The following ANAPC1 variants were observed in gnomAD, a reference collection of about 807,000 sequenced individuals.
ANAPC1 encodes anaphase-promoting complex subunit 1.
ANAPC1 carries 36 observed loss-of-function variants against 208.0 expected under a neutral mutation model. That is an observed-to-expected ratio of 0.17 (90% CI 0.13 to 0.23). The LOEUF (loss-of-function observed/expected upper bound fraction) is 0.23, where lower values mean the gene tolerates loss of function less well. Among genes scored for constraint, ANAPC1 ranks in the 10% least tolerant of loss-of-function variants. The pLI, the probability that ANAPC1 is intolerant of heterozygous loss-of-function variation, is 1.00. For missense variants in ANAPC1, 942 were observed against 2,011.6 expected, an observed-to-expected ratio of 0.47 and a Z score of 10.17; for synonymous variants, 378 against 695.2, an observed-to-expected ratio of 0.54 and a Z score of 7.18.
At chr2:111,798,490 T>C (rs1184089786) in intron 34 of ANAPC1, among the ~76,000 whole-genome samples, 1 of 151,928 alleles carries the variant, frequency 6.6e-6, no homozygotes, top group Non-Finnish European at 1.5e-5. Flanking sequence ...TCATATCATA[T>C]ACAAAATTAC....
intron 3 of ANAPC1, among the ~76,000 whole-genome samples, chr2:111,876,332 C>A (rs1482845619): frequency 6.6e-6 from 1 of 151,914 alleles, no homozygotes; most frequent in Non-Finnish European, 1.5e-5. Flanking sequence ...TCACATATAC[C>A]TGATATTATT....
intron 21 of ANAPC1, among the ~76,000 whole-genome samples, chr2:111,829,722 C>A (rs1168530769): frequency 6.6e-6 from 1 of 152,004 alleles, no homozygotes; most frequent in Non-Finnish European, 1.5e-5. Context: ...AGAAGTGTTT[C>A]TTGAAAAAAA....
At chr2:111,836,850 T>C (rs567425422) in intron 18 of ANAPC1, among the ~76,000 whole-genome samples, 4 of 151,536 alleles carry the variant, frequency 2.6e-5, no homozygotes, top group Admixed American at 2.6e-4. Context: ...CACCTGTAAT[T>C]CTAGCTACTG....
chr2:111,841,733 C>T (rs1014302522), intron 17 of ANAPC1, among the ~76,000 whole-genome samples: 5 of 152,022 alleles, frequency 3.3e-5, no homozygotes, highest in Non-Finnish European at 5.9e-5. Flanking sequence ...CGCAACCTGA[C>T]GTTATCAAAC....
At position 111,861,086 on chromosome 2, in the gene ANAPC1, TTTTC is replaced by T. The variant is rs1366606659; in HGVS notation, c.1262+1299_1262+1302del. The stretch of plus-strand genomic sequence containing the variant: ...ATCAGTAATCTCTCAAGCCTCCTTT[TTTTC>T]TTTTTCAGACAGTCTCACTCTGTTG... On this transcript the variant is annotated intron_variant, in intron 10 of 47. Coordinates refer to ENST00000341068, the MANE Select transcript of ANAPC1 (RefSeq NM_022662.4). 2.0e-5 allele frequency among the ~76,000 whole-genome samples: 3 copies of T among 152,130 alleles called. No homozygotes were observed. In the East Asian group the frequency reaches 5.8e-4, roughly 29 times the overall value.
intron 38 of ANAPC1, among the ~76,000 whole-genome samples, chr2:111,792,046 TGA>T (rs1454591997): frequency 2.6e-5 from 4 of 152,044 alleles, no homozygotes; most frequent in African/African-American, 9.7e-5. Context: ...GTGACCTTTC[TGA>T]GAAAGTAGCT....
intron 44 of ANAPC1, chr2:111,780,081 AT>A (rs1279347561): frequency 6.8e-6 from 1 of 146,616 alleles, no homozygotes; most frequent in Admixed American, 6.8e-5. Flanking sequence ...TGTCTTATAA[AT>A]TTTAAGTTGT....
chr2:111,842,283 T>A (rs1434421744), intron 17 of ANAPC1, among the ~76,000 whole-genome samples: 1 of 152,202 alleles, frequency 6.6e-6, no homozygotes. Flanking sequence ...AGTAGTATAA[T>A]TATTTTCTTA....
chr2:111,860,182 C>T (rs1681978817), intron 10 of ANAPC1, among the ~76,000 whole-genome samples: 1 of 151,754 alleles, frequency 6.6e-6, no homozygotes, highest in Admixed American at 6.6e-5. Flanking sequence ...GCTTATAGTC[C>T]CAGCTATCTG....
At chr2:111,828,787 G>T (rs1319060782) in intron 21 of ANAPC1, among the ~76,000 whole-genome samples, 1 of 152,238 alleles carries the variant, frequency 6.6e-6, no homozygotes, top group African/African-American at 2.4e-5. Flanking sequence ...GGCCTGGGAG[G>T]AAGGGGAATG....
At chr2:111,845,609 C>A (rs2104504099) in intron 16 of ANAPC1, among the ~76,000 whole-genome samples, 1 of 152,154 alleles carries the variant, frequency 6.6e-6, no homozygotes, top group South Asian at 2.1e-4. Context: ...TTAATTTATT[C>A]CATTATTATT....
intron 41 of ANAPC1, 133 bp downstream of exon 41, chr2:111,784,190 T>C: frequency 8.0e-7 from 1 of 1,246,214 alleles, no homozygotes; most frequent in Non-Finnish European, 1.2e-6. Context: ...TTTCTGACTT[T>C]TCCTCCTGCT....
At chr2:111,862,771 A>G (rs1267837864) in intron 9 of ANAPC1, among the ~76,000 whole-genome samples, 173 bp from the exon 10 acceptor site, 2 of 152,162 alleles carry the variant, frequency 1.3e-5, no homozygotes, top group East Asian at 1.9e-4. Context: ...GTTCATGTCA[A>G]TGTGCTTTAC....
At chr2:111,856,456 T>C (rs1324895416) in intron 13 of ANAPC1, 158 bp downstream of exon 13, 5 of 750,388 alleles carry the variant, frequency 6.7e-6, no homozygotes, top group East Asian at 2.8e-5. Context: ...CCCACCTAAA[T>C]AGGAAGCTTC....
At chr2:111,807,719 C>G (rs1454614564) in intron 29 of ANAPC1, among the ~76,000 whole-genome samples, 2 of 152,102 alleles carry the variant, frequency 1.3e-5, no homozygotes, top group African/African-American at 4.8e-5. Flanking sequence ...AATGTACATT[C>G]TGACAGTAAT....
intron 1 of ANAPC1, among the ~76,000 whole-genome samples, chr2:111,882,327 G>A (rs556647565): frequency 1.1e-4 from 16 of 152,128 alleles, no homozygotes; most frequent in Non-Finnish European, 1.8e-4. Flanking sequence ...TCCGTGTATT[G>A]ACTTGCTGCT....
chr2:111,874,987 C>T (rs2311825), intron 3 of ANAPC1, among the ~76,000 whole-genome samples: 4 of 152,158 alleles, frequency 2.6e-5, no homozygotes, highest in African/African-American at 7.2e-5. Flanking sequence ...CCTGGCTACA[C>T]GTGTAACTTT....
At chr2:111,773,318 G>A (rs1385646324) in intron 46 of ANAPC1, among the ~76,000 whole-genome samples, 14 of 152,198 alleles carry the variant, frequency 9.2e-5, no homozygotes, top group African/African-American at 2.9e-4. Flanking sequence ...TGAGCTAGAG[G>A]TGAACATGTT....
chr2:111,836,416 G>C (rs1680469847), intron 18 of ANAPC1, among the ~76,000 whole-genome samples: 1 of 151,206 alleles, frequency 6.6e-6, no homozygotes, highest in Non-Finnish European at 1.5e-5. Context: ...AGGGGCAGGA[G>C]GACTGCTTGA....
Sources: allele counts gnomAD v4.1 joint callset (sites outside exome capture counted in the v4.1 genomes callset), GRCh38; gene constraint gnomAD v4.1.1; transcripts MANE v1.5; gene names NCBI Gene and HGNC (gene_info 2026-07-23, HGNC 2026-07-21).